The following ANKRD31 variants were observed in gnomAD, a reference collection of about 807,000 sequenced individuals.
The protein encoded by ANKRD31 is ankyrin repeat domain 31.
ANKRD31 carries 147 observed loss-of-function variants against 186.0 expected under a neutral mutation model. The ratio of observed to expected loss-of-function variants is 0.79; its 90% CI spans 0.69 to 0.91. ANKRD31 has a LOEUF of 0.91. Among genes scored for constraint, ANKRD31 ranks in the 40% least tolerant of loss-of-function variants. The probability of loss-of-function intolerance (pLI) is 0.00; values close to 1 mark genes in which losing one functional copy is unlikely to be tolerated. For missense variants in ANKRD31, 1,986 were observed against 2,148.8 expected, an observed-to-expected ratio of 0.92 and a Z score of 1.50; for synonymous variants, 673 against 736.4, an observed-to-expected ratio of 0.91 and a Z score of 1.39.
In ANKRD31 at chr5:75,175,768, C is replaced by T. The variant is rs530299526; in HGVS notation, c.1565-6647G>A. 6.3e-4 allele frequency among the ~76,000 whole-genome samples: 95 copies of T among 151,940 alleles called. 1 individual carries two copies. The highest frequency in any genetic ancestry group is 2.1e-3 in the African/African-American group (85 of 41,414). ...TTGGTTGGGGTGGAGCCAAGATGGC[C>T]GAACAGGAACAGCTCCAGTCTACAG... On this transcript the variant is annotated intron_variant, in intron 10 of 25. Coordinates refer to ENST00000506364, the MANE Select transcript of ANKRD31 (RefSeq NM_001372053.1).
At chr5:75,168,083 A>T (rs1753049205) in intron 11 of ANKRD31, among the ~76,000 whole-genome samples, 1 of 152,078 alleles carries the variant, frequency 6.6e-6, no homozygotes. Context: ...ACATTATCAA[A>T]CAAGCAAACA....
chr5:75,109,668 G>A (rs1032173643), intron 20 of ANKRD31, among the ~76,000 whole-genome samples: 1 of 152,118 alleles, frequency 6.6e-6, no homozygotes, highest in African/African-American at 2.4e-5. Context: ...CCACAGCAGG[G>A]CCAAAAGAAA....
chr5:75,232,280 T>G (rs1393532388), intron 1 of ANKRD31, among the ~76,000 whole-genome samples: 2 of 152,194 alleles, frequency 1.3e-5, no homozygotes, highest in Admixed American at 6.6e-5. Context: ...TGTTTTTTTC[T>G]TTTCAGACAC....
intron 25 of ANKRD31, among the ~76,000 whole-genome samples, chr5:75,080,042 G>C (rs1301877229): frequency 6.6e-6 from 1 of 152,012 alleles, no homozygotes; most frequent in African/African-American, 2.4e-5. Context: ...AGGCTGCAAT[G>C]AGCCGAGATC....
intron 17 of ANKRD31, among the ~76,000 whole-genome samples, chr5:75,137,260 C>G (rs928182206): frequency 4.0e-5 from 6 of 151,808 alleles, no homozygotes; most frequent in African/African-American, 1.5e-4. Flanking sequence ...CTATGGATAA[C>G]AATAAGGGTT....
intron 9 of ANKRD31, 76 bp from the exon 10 acceptor site, chr5:75,188,724 T>C: frequency 3.1e-6 from 4 of 1,273,376 alleles, no homozygotes; most frequent in Non-Finnish European, 3.2e-6. Context: ...AAACCACATA[T>C]TTCAAACTAC....
intron 15 of ANKRD31, among the ~76,000 whole-genome samples, chr5:75,140,185 CAG>C (rs1209754146): frequency 6.9e-6 from 1 of 145,864 alleles, no homozygotes; most frequent in African/African-American, 2.6e-5. Context: ...GCCTGGGCAA[CAG>C]AGATACACTC....
At chr5:75,087,466 C>T (rs1745587669) in intron 23 of ANKRD31, among the ~76,000 whole-genome samples, 1 of 151,678 alleles carries the variant, frequency 6.6e-6, no homozygotes, top group Non-Finnish European at 1.5e-5. Context: ...GAGATCAGGC[C>T]ACTGCACTCC....
At chr5:75,154,065 A>C in intron 12 of ANKRD31, 136 bp downstream of exon 12, 1 of 843,680 alleles carries the variant, frequency 1.2e-6, no homozygotes, top group East Asian at 3.0e-5. Flanking sequence ...TTATTAACAG[A>C]ATGAAGAAAA....
intron 12 of ANKRD31, among the ~76,000 whole-genome samples, chr5:75,149,740 A>G (rs2150151268): frequency 6.6e-6 from 1 of 152,056 alleles, no homozygotes; most frequent in African/African-American, 2.4e-5. Flanking sequence ...TAATCCATGT[A>G]AAGTGTTTAC....
chr5:75,217,457 C>T (rs544354051), intron 3 of ANKRD31, among the ~76,000 whole-genome samples: 2 of 152,224 alleles, frequency 1.3e-5, no homozygotes, highest in East Asian at 3.9e-4. Flanking sequence ...TGAATGGAAC[C>T]CTTTACCATT....
chr5:75,117,510 G>C (rs1053816227), intron 18 of ANKRD31, among the ~76,000 whole-genome samples: 5 of 152,132 alleles, frequency 3.3e-5, no homozygotes, highest in African/African-American at 1.2e-4. Flanking sequence ...GAAATCAACA[G>C]TTGGTAAGGA....
chr5:75,121,028 C>A (rs759269868), intron 17 of ANKRD31, among the ~76,000 whole-genome samples: 1 of 151,832 alleles, frequency 6.6e-6, no homozygotes, highest in Non-Finnish European at 1.5e-5. Context: ...ACTAAAAATA[C>A]AAAAATTAGC....
chr5:75,140,037 C>T (rs954909026), intron 15 of ANKRD31, among the ~76,000 whole-genome samples: 1 of 151,728 alleles, frequency 6.6e-6, no homozygotes, highest in Non-Finnish European at 1.5e-5. Context: ...TCCCAGCATT[C>T]TACTAAAAAT....
chr5:75,210,924 T>C, intron 3 of ANKRD31, 59 bp from the exon 4 acceptor site: 1 of 1,140,790 alleles, frequency 8.8e-7, no homozygotes, highest in Non-Finnish European at 1.2e-6. Context: ...TGCAACAAGC[T>C]AAAAAAATTA....
chr5:75,232,858 T>C (rs1406356072), intron 1 of ANKRD31, among the ~76,000 whole-genome samples: 1 of 152,152 alleles, frequency 6.6e-6, no homozygotes, highest in Non-Finnish European at 1.5e-5. Flanking sequence ...AAAACTCCTA[T>C]GTAAAAGATG....
At chr5:75,179,243 T>G (rs534759611) in intron 10 of ANKRD31, among the ~76,000 whole-genome samples, 1 of 152,084 alleles carries the variant, frequency 6.6e-6, no homozygotes, top group Non-Finnish European at 1.5e-5. Context: ...CAATAATTAA[T>G]AGCTTACCAA....
chr5:75,222,611 C>T (rs758797834), intron 2 of ANKRD31, among the ~76,000 whole-genome samples: 4 of 152,116 alleles, frequency 2.6e-5, no homozygotes, highest in Admixed American at 6.5e-5. Context: ...CACCCCCCAA[C>T]CCCCAACAGG....
intron 10 of ANKRD31, among the ~76,000 whole-genome samples, chr5:75,175,920 C>T (rs200979566): frequency 5.3e-5 from 8 of 151,948 alleles, no homozygotes; most frequent in Non-Finnish European, 1.0e-4. Flanking sequence ...ATGTGTGAGC[C>T]GAAGCAGGGT....
Sources: gnomAD v4.1 joint callset for allele counts (sites outside exome capture counted in the v4.1 genomes callset) on GRCh38, gnomAD v4.1.1 for gene constraint, MANE v1.5 for transcripts, NCBI Gene and HGNC (gene_info 2026-07-23, HGNC 2026-07-21) for gene names.